ZBTB20: variants seen among roughly 807,000 people sequenced by gnomAD.
ZBTB20 encodes zinc finger and BTB domain containing 20, also known as zinc finger and BTB domain-containing protein 20.
ZBTB20 carries 9 observed loss-of-function variants against 56.9 expected under a neutral mutation model. The ratio of observed to expected loss-of-function variants is 0.16; its 90% CI spans 0.10 to 0.28. The LOEUF is 0.28. Ranked by LOEUF, ZBTB20 falls within the 10% of genes least tolerant of loss-of-function variation. The probability of loss-of-function intolerance (pLI) is 1.00; values close to 1 mark genes in which losing one functional copy is unlikely to be tolerated. For synonymous variants in ZBTB20, 417 were observed against 420.7 expected, an observed-to-expected ratio of 0.99 and a Z score of 0.11; for missense variants, 655 against 1,003.0, an observed-to-expected ratio of 0.65 and a Z score of 4.69.
At chr3:114,474,341 T>C (rs1299989095) in intron 7 of ZBTB20, among the ~76,000 whole-genome samples, 1 of 152,240 alleles carries the variant, frequency 6.6e-6, no homozygotes, top group Non-Finnish European at 1.5e-5. Flanking sequence ...TGTGTTTGCA[T>C]GCATACAGCA....
rs2083404739 is a variant in ZBTB20 at position 115,097,035 on chromosome 3, TA to T, written c.-702-25622del. ...CTGCAATTTTTGAAACCCTAATGAG[TA>T]AAATCCAATAAATCACTATATAGTC... On this transcript the variant is annotated intron_variant, in intron 1 of 11. Coordinates refer to ENST00000675478, the MANE Select transcript of ZBTB20 (RefSeq NM_001348800.3). Among the ~76,000 whole-genome samples the T allele has an allele frequency of 2.6e-5, 4 of 152,160 alleles. No homozygotes were observed. The South Asian group carries it at 8.3e-4, about 32-fold the overall frequency.
At chr3:114,596,895 C>G (rs1450991511) in intron 6 of ZBTB20, among the ~76,000 whole-genome samples, 1 of 152,180 alleles carries the variant, frequency 6.6e-6, no homozygotes, top group Non-Finnish European at 1.5e-5. Context: ...ATTACCAAAG[C>G]ACTCAAACAC....
At chr3:114,579,805 A>G (rs1485574518) in intron 6 of ZBTB20, among the ~76,000 whole-genome samples, 2 of 151,638 alleles carry the variant, frequency 1.3e-5, no homozygotes, top group Admixed American at 6.6e-5. Flanking sequence ...TTGAAGTATA[A>G]ACTGTGAACT....
intron 6 of ZBTB20, among the ~76,000 whole-genome samples, chr3:114,677,980 T>G (rs921912186): frequency 6.6e-5 from 10 of 152,188 alleles, no homozygotes; most frequent in Non-Finnish European, 1.3e-4. Flanking sequence ...TTACTCTTCA[T>G]TTTGAGTATA....
In ZBTB20 at chr3:114,320,369, G is replaced by A. The variant is rs1357016067; in HGVS notation, c.*18636C>T. The A allele has an allele frequency of 1.3e-5, 2 of 152,030 alleles. No individual in the cohort carries two copies. The highest frequency in any genetic ancestry group is 1.9e-4 in the East Asian group (1 of 5,202). 9.4% of individuals were successfully genotyped at this position (152,030 alleles called of 1,614,324 possible). A position where few individuals can be genotyped will look rare whatever the true frequency, so the allele number is the denominator to read the frequency against. ...AACGTTTCCCCCCATCTTTCTAAAGGAAATGACTAACAAAAGTACAATACA... is the reference window on the plus strand; with the variant it reads ...AACGTTTCCCCCCATCTTTCTAAAGAAAATGACTAACAAAAGTACAATACA... On this transcript the variant is annotated 3_prime_UTR_variant, in exon 12 of 12. Transcript: ENST00000675478.
At chr3:114,905,675 T>G (rs893255792) in intron 3 of ZBTB20, among the ~76,000 whole-genome samples, 1 of 151,916 alleles carries the variant, frequency 6.6e-6, no homozygotes, top group Non-Finnish European at 1.5e-5. Flanking sequence ...TCCCAATCTT[T>G]AAAGGACTAA....
chr3:114,844,552 A>AAAAAAAAC (rs1560313408), intron 4 of ZBTB20, among the ~76,000 whole-genome samples: 2 of 140,832 alleles, frequency 1.4e-5, no homozygotes, highest in African/African-American at 2.8e-5. Flanking sequence ...AAAAAAAAAA[A>AAAAAAAAC]CTTTCATTTC....
At chr3:115,016,139 C>T (rs1321934086) in intron 2 of ZBTB20, among the ~76,000 whole-genome samples, 2 of 151,936 alleles carry the variant, frequency 1.3e-5, no homozygotes, top group Non-Finnish European at 2.9e-5. Flanking sequence ...TGTTCATGTG[C>T]TCTGCCCACT....
At chr3:114,838,671 G>A (rs2074235745) in intron 4 of ZBTB20, among the ~76,000 whole-genome samples, 1 of 152,230 alleles carries the variant, frequency 6.6e-6, no homozygotes, top group African/African-American at 2.4e-5. Context: ...TCCTAGAATA[G>A]TAATACTAGA....
At chr3:114,532,079 G>C (rs2047913696) in intron 6 of ZBTB20, among the ~76,000 whole-genome samples, 1 of 152,188 alleles carries the variant, frequency 6.6e-6, no homozygotes, top group Admixed American at 6.5e-5. Flanking sequence ...CAGACACTGA[G>C]CTAGCTGCAG....
chr3:114,604,383 T>A (rs1456350502), intron 6 of ZBTB20, among the ~76,000 whole-genome samples: 1 of 151,848 alleles, frequency 6.6e-6, no homozygotes, highest in Non-Finnish European at 1.5e-5. Flanking sequence ...AAATAATGAA[T>A]AAAAGTGGTT....
chr3:114,406,213 T>C (rs562992202), intron 7 of ZBTB20, among the ~76,000 whole-genome samples: 108 of 152,282 alleles, frequency 7.1e-4, no homozygotes, highest in Middle Eastern at 3.4e-3. Flanking sequence ...TATATGACCA[T>C]GGCATTGCCA....
chr3:114,789,751 C>T (rs1456212784), intron 5 of ZBTB20, among the ~76,000 whole-genome samples: 2 of 152,040 alleles, frequency 1.3e-5, no homozygotes, highest in Non-Finnish European at 2.9e-5. Context: ...TAAGGATCTG[C>T]TATTATAAAA....
rs188630023 is a variant in ZBTB20 at position 114,927,673 on chromosome 3, T to C, written c.-455-27331A>G. ...CTCTCAAGAACTGGCAATAATTAAG[T>C]TTCCAACCAAATTATATTTTCTAAA... On this transcript the variant is annotated intron_variant, in intron 3 of 11. Coordinates refer to ENST00000675478, the MANE Select transcript of ZBTB20 (RefSeq NM_001348800.3). Among the ~76,000 whole-genome samples the C allele has an allele frequency of 2.0e-4, 31 of 152,288 alleles. No individual in the cohort carries two copies. In the East Asian group the frequency reaches 3.9e-3, roughly 19 times the overall value.
intron 7 of ZBTB20, among the ~76,000 whole-genome samples, chr3:114,423,324 G>C (rs1245925939): frequency 2.0e-5 from 3 of 152,142 alleles, no homozygotes; most frequent in Non-Finnish European, 4.4e-5. Context: ...AGCTCTCATA[G>C]ACTTAACTAA....
chr3:114,384,100 T>TTCTCTCTCTCTCTCTCTC (rs57746371), intron 8 of ZBTB20, among the ~76,000 whole-genome samples: 3 of 139,246 alleles, frequency 2.2e-5, no homozygotes, highest in Non-Finnish European at 3.1e-5. Context: ...TCAGTTCTCA[T>TTCTCTCTCTCTCTCTCTC]TCTCTCTCTC....
chr3:115,067,320 C>G (rs1467827917), intron 2 of ZBTB20, among the ~76,000 whole-genome samples: 1 of 151,962 alleles, frequency 6.6e-6, no homozygotes, highest in Non-Finnish European at 1.5e-5. Context: ...TTGCCTACTA[C>G]TTGATGAGGC....
At chr3:115,025,151 T>G (rs2080369075) in intron 2 of ZBTB20, among the ~76,000 whole-genome samples, 1 of 151,460 alleles carries the variant, frequency 6.6e-6, no homozygotes, top group African/African-American at 2.4e-5. Flanking sequence ...TGTGTTCATG[T>G]GTTCTCATCA....
rs528757663 is a variant in ZBTB20, at chr3:115,097,013, C to G, written c.-702-25599G>C. Among the ~76,000 whole-genome samples, 242 of 152,186 alleles carry G rather than the reference C, an allele frequency of 1.6e-3. 1 individual carries two copies. Among genetic ancestry groups the G allele is most frequent in the African/African-American group, 5.5e-3 (228 of 41,526 alleles). ...AAATGTGCAGAATAAAAAGTATCTG[C>G]AATTTTTGAAACCCTAATGAGTAAA... On this transcript the variant is annotated intron_variant, in intron 1 of 11. Transcript: ENST00000675478.
Sources: gnomAD v4.1 joint callset for allele counts (sites outside exome capture counted in the v4.1 genomes callset) on GRCh38, gnomAD v4.1.1 for gene constraint, MANE v1.5 for transcripts, NCBI Gene and HGNC (gene_info 2026-07-23, HGNC 2026-07-21) for gene names.